The following VEZF1 variants were observed in gnomAD, a reference collection of about 807,000 sequenced individuals.
The protein encoded by VEZF1 is vascular endothelial zinc finger 1, also known as putative transcription factor DB1.
A neutral mutation model predicts 44.1 loss-of-function variants in VEZF1; 5 were observed. That is an observed-to-expected ratio of 0.11 (90% CI 0.06 to 0.24). VEZF1 has a LOEUF of 0.24. Among genes scored for constraint, VEZF1 ranks in the 10% least tolerant of loss-of-function variants. The probability of loss-of-function intolerance (pLI) is 1.00; values close to 1 mark genes in which losing one functional copy is unlikely to be tolerated. For synonymous variants in VEZF1, 236 were observed against 233.1 expected, an observed-to-expected ratio of 1.01 and a Z score of -0.11; for missense variants, 358 against 641.8, an observed-to-expected ratio of 0.56 and a Z score of 4.78.
At chr17:57,985,441 G>A (rs1184821802) in intron 1 of VEZF1, 72 of 1,222,056 alleles carry the variant, frequency 5.9e-5, no homozygotes, top group Admixed American at 4.3e-5. Context: ...TTCTAAGGGG[G>A]AACTGGGTTT....
rs760833163 is a variant in VEZF1, at chr17:57,983,408, T to C, written c.34-15A>G. 3 of 1,580,748 alleles carry C rather than the reference T, an allele frequency of 1.9e-6. No individual in the cohort carries two copies. The highest frequency in any genetic ancestry group is 2.6e-6 in the Non-Finnish European group (3 of 1,169,534). On this transcript the variant is annotated splice_polypyrimidine_tract_variant and intron_variant, in intron 1 of 5. Coordinates refer to ENST00000581208, the MANE Select transcript of VEZF1 (RefSeq NM_007146.3). The stretch of plus-strand genomic sequence containing the variant: ...GCTTCATGGGCCTAAAACCAAACAT[T>C]TACACTTCAGAAACTCAGCCTCTCA...
chr17:57,982,151 AT>A (rs1389620041), intron 2 of VEZF1, among the ~76,000 whole-genome samples: 6 of 152,212 alleles, frequency 3.9e-5, no homozygotes, highest in Non-Finnish European at 1.5e-5. Context: ...CCTAGTCAAC[AT>A]CAAATCATAT....
At chr17:57,984,807 T>C (rs551014098) in intron 1 of VEZF1, among the ~76,000 whole-genome samples, 1 of 152,188 alleles carries the variant, frequency 6.6e-6, no homozygotes, top group African/African-American at 2.4e-5. Flanking sequence ...GATTAGGAGG[T>C]GTGGTATCCA....
At chr17:57,976,161 A>G (rs1053223154) in intron 5 of VEZF1, among the ~76,000 whole-genome samples, 1 of 152,206 alleles carries the variant, frequency 6.6e-6, no homozygotes, top group African/African-American at 2.4e-5. Flanking sequence ...CAGCACCAGA[A>G]AACAGCAGTA....
intron 4 of VEZF1, 51 bp from the exon 5 acceptor site, chr17:57,979,364 CGTTT>C: frequency 6.3e-7 from 1 of 1,591,418 alleles, no homozygotes; most frequent in Non-Finnish European, 8.6e-7. Context: ...AAACTGTTGC[CGTTT>C]TTTTTCAAAA....
At chr17:57,980,119 T>C (rs1435428124) in intron 4 of VEZF1, among the ~76,000 whole-genome samples, 1 of 152,196 alleles carries the variant, frequency 6.6e-6, no homozygotes, top group Non-Finnish European at 1.5e-5. Flanking sequence ...TAAGCTTTCT[T>C]CCCCATTCTC....
In VEZF1 at chr17:57,988,190, C is replaced by A; in HGVS notation, c.-79G>T. The A allele has an allele frequency of 3.6e-6, 1 of 278,986 alleles. No homozygotes were observed. Among genetic ancestry groups the A allele is most frequent in the Non-Finnish European group, 6.3e-6 (1 of 158,992 alleles). The allele number at this position is 278,986 out of a possible 1,614,324, so 17.3% of individuals were successfully genotyped here. ...TCAGCCGGAGGAGGCGACAACAAAG[C>A]GGCGGCGGCGGCGGCGGCAACGGCA... is the stretch of plus-strand genomic sequence containing the variant. On this transcript the variant is annotated 5_prime_UTR_variant, in exon 1 of 6. Coordinates refer to ENST00000581208, the MANE Select transcript of VEZF1 (RefSeq NM_007146.3).
In VEZF1 at chr17:57,980,854, T is replaced by C. The variant is rs760151377; in HGVS notation, c.793-68A>G. 12 of 1,522,636 alleles carry C rather than the reference T, an allele frequency of 7.9e-6. No homozygotes were observed. In the African/African-American group the frequency reaches 1.7e-4, roughly 21 times the overall value. The allele number at this position is 1,522,636 out of a possible 1,614,324, so 94.3% of individuals were successfully genotyped here. On this transcript the variant is annotated intron_variant, in intron 3 of 5. Coordinates refer to ENST00000581208, the MANE Select transcript of VEZF1 (RefSeq NM_007146.3). ...GTTCTACTCATTTTGAAGTACGTTA[T>C]ATTCTGTGCATTACCCTATCCACAT...
chr17:57,985,417 T>G, intron 1 of VEZF1: 2 of 1,224,854 alleles, frequency 1.6e-6, no homozygotes, highest in Non-Finnish European at 1.0e-6. Flanking sequence ...ATCCCCACAC[T>G]TCTACAAGAA....
At chr17:57,982,186 C>G (rs1473652610) in intron 2 of VEZF1, among the ~76,000 whole-genome samples, 1 of 152,176 alleles carries the variant, frequency 6.6e-6, no homozygotes, top group Non-Finnish European at 1.5e-5. Context: ...TTTACAATTA[C>G]AAAATACCCG....
intron 3 of VEZF1, among the ~76,000 whole-genome samples, chr17:57,981,303 C>T (rs1221109897): frequency 6.6e-6 from 1 of 152,194 alleles, no homozygotes; most frequent in African/African-American, 2.4e-5. Context: ...TACTAAAAGA[C>T]TTCCAGCAAC....
At chr17:57,975,494 TAAAC>T (rs2064825873) in intron 5 of VEZF1, among the ~76,000 whole-genome samples, 1 of 152,270 alleles carries the variant, frequency 6.6e-6, no homozygotes, top group African/African-American at 2.4e-5. Flanking sequence ...TGGGGAATGA[TAAAC>T]AAGCTATTTT....
chr17:57,982,947 G>C lies in VEZF1; in HGVS notation c.480C>G (p.Thr160=). 2 of 1,614,154 alleles carry C rather than the reference G, an allele frequency of 1.2e-6. No homozygotes were observed. Among genetic ancestry groups the C allele is most frequent in the Non-Finnish European group, 1.7e-6 (2 of 1,180,022 alleles). ...GCTTACTGGGTTTCTTGACAGACTG[G>C]GTCACTGGCATAGCTGTGGTGCTGG... ...SSASTTAMPV[T]QSVKKPSKPV... The change falls in exon 2 of 6, where the codon ACC becomes ACG. Residue 160 remains threonine, a synonymous_variant. Transcript: ENST00000581208.
intron 1 of VEZF1, among the ~76,000 whole-genome samples, chr17:57,987,397 A>T (rs1477646855): frequency 6.6e-6 from 1 of 152,098 alleles, no homozygotes; most frequent in Non-Finnish European, 1.5e-5. Flanking sequence ...GGGAAAAAAA[A>T]ATGTAAATCC....
At chr17:57,982,441 T>C (rs1274329474) in intron 2 of VEZF1, among the ~76,000 whole-genome samples, 4 of 152,186 alleles carry the variant, frequency 2.6e-5, no homozygotes, top group Admixed American at 6.5e-5. Context: ...TAAGTATCCA[T>C]GTGCCAAATG....
chr17:57,980,321 G>C (rs757348149), intron 4 of VEZF1, among the ~76,000 whole-genome samples: 1 of 152,184 alleles, frequency 6.6e-6, no homozygotes, highest in Non-Finnish European at 1.5e-5. Context: ...CCTTCAAGTG[G>C]ATATGATATC....
chr17:57,987,121 C>T lies in VEZF1; in HGVS notation c.33+958G>A, dbSNP rs147313593. ...CACTTTCAAGTTTCTTGCAAAAAAGCGAAGACCAACATCCCAGAGAGTGAC... is the reference window on the plus strand; with the variant it reads ...CACTTTCAAGTTTCTTGCAAAAAAGTGAAGACCAACATCCCAGAGAGTGAC... On this transcript the variant is annotated intron_variant, in intron 1 of 5. Transcript: ENST00000581208. Among the ~76,000 whole-genome samples, 15 of 152,320 alleles carry T rather than the reference C, an allele frequency of 9.8e-5. No individual in the cohort carries two copies. In the East Asian group the frequency reaches 2.7e-3, roughly 27 times the overall value.
At chr17:57,979,043 C>T (rs993342987) in intron 5 of VEZF1, 109 bp downstream of exon 5, 1 of 1,384,500 alleles carries the variant, frequency 7.2e-7, no homozygotes, top group Non-Finnish European at 9.8e-7. Context: ...TTCCATGTTT[C>T]CATTAAGCTA....
Position 57,988,229 on chromosome 17 carries a change from A to C in VEZF1, c.-118T>G. 5.1e-6 allele frequency: 1 copy of C among 195,924 alleles called. No homozygotes were observed. Among genetic ancestry groups the C allele is most frequent in the Non-Finnish European group, 1.0e-5 (1 of 98,168 alleles). The allele number at this position is 195,924 out of a possible 1,614,324, so 12.1% of individuals were successfully genotyped here. ...GCGGCAACGGCAGCGGCGGCTCCTC[A>C]ACATGGCAGCGCCGAGCGCGGCCAC... On this transcript the variant is annotated 5_prime_UTR_variant, in exon 1 of 6. Transcript: ENST00000581208.
Sources: allele counts gnomAD v4.1 joint callset (sites outside exome capture counted in the v4.1 genomes callset), GRCh38; gene constraint gnomAD v4.1.1; transcripts MANE v1.5; gene names NCBI Gene and HGNC (gene_info 2026-07-23, HGNC 2026-07-21).